S100A8: variants seen among roughly 807,000 people sequenced by gnomAD.
The protein encoded by S100A8 is S100 calcium binding protein A8.
S100A8 carries 1 observed loss-of-function variant against 4.2 expected under a neutral mutation model. The observed-to-expected ratio is 0.24, with a 90% CI of 0.08 to 1.12. The LOEUF is 1.12. S100A8 is among the 50% of genes most tolerant of loss of function. S100A8 has a pLI of 0.53. For synonymous variants in S100A8, 41 were observed against 44.7 expected, an observed-to-expected ratio of 0.92 and a Z score of 0.33; for missense variants, 96 against 111.8, an observed-to-expected ratio of 0.86 and a Z score of 0.64.
the S100A8 span, among the ~76,000 whole-genome samples, chr1:153,412,022 T>C: frequency 6.6e-6 from 1 of 152,170 alleles, no homozygotes; most frequent in African/African-American, 2.4e-5. Flanking sequence ...CCTAAAACCA[T>C]AGAAACCCTA....
At chr1:153,414,596 G>A in the S100A8 span, among the ~76,000 whole-genome samples, 4 of 152,172 alleles carry the variant, frequency 2.6e-5, no homozygotes, top group Admixed American at 2.6e-4. Flanking sequence ...CCAAAATCTG[G>A]AACACTGACA....
the S100A8 span, among the ~76,000 whole-genome samples, chr1:153,411,846 A>G: frequency 1.3e-5 from 2 of 152,244 alleles, no homozygotes; most frequent in Non-Finnish European, 2.9e-5. Context: ...CAACCATCTG[A>G]TCTTTGACAA....
chr1:153,411,318 C>T, the S100A8 span, among the ~76,000 whole-genome samples: 9 of 152,330 alleles, frequency 5.9e-5, no homozygotes, highest in South Asian at 2.1e-4. Context: ...AAATCACAAG[C>T]ATTCTTATAC....
chr1:153,390,719 T>G lies in S100A8; in HGVS notation c.-22-162A>C, dbSNP rs1183134917. The stretch of plus-strand genomic sequence containing the variant: ...TATGGCTCTGGTGGGAAGGGTGGGA[T>G]GATAGGGATACACGTGTGGGAAGGG... On this transcript the variant is annotated intron_variant, in intron 1 of 2. Transcript: ENST00000368733. 3.1e-5 allele frequency: 27 copies of G among 859,106 alleles called. No individual in the cohort carries two copies. The East Asian group carries it at 6.7e-4, about 21-fold the overall frequency. 53.2% of individuals were successfully genotyped at this position (859,106 alleles called of 1,614,324 possible).
chr1:153,400,564 T>C, the S100A8 span, among the ~76,000 whole-genome samples: 2 of 152,192 alleles, frequency 1.3e-5, no homozygotes, highest in Admixed American at 6.5e-5. Context: ...GAGAAAATCA[T>C]AGGTAGATAC....
intron 1 of S100A8, 156 bp from the exon 2 acceptor site, chr1:153,390,713 G>A: frequency 3.2e-6 from 3 of 926,814 alleles, no homozygotes; most frequent in East Asian, 2.5e-5. Context: ...GGTGGGAAGG[G>A]TGGGATGATA....
At chr1:153,401,522 G>A in the S100A8 span, among the ~76,000 whole-genome samples, 1 of 152,278 alleles carries the variant, frequency 6.6e-6, no homozygotes, top group African/African-American at 2.4e-5. Flanking sequence ...CTAAGATTGT[G>A]ATCTTGACAA....
chr1:153,403,243 T>C, the S100A8 span, among the ~76,000 whole-genome samples: 14 of 152,238 alleles, frequency 9.2e-5, no homozygotes, highest in East Asian at 1.9e-4. Flanking sequence ...CTGTGACCTA[T>C]TCTGAGTTAA....
the S100A8 span, chr1:153,417,970 C>A: frequency 1.4e-6 from 2 of 1,446,268 alleles, no homozygotes; most frequent in South Asian, 2.6e-5. Flanking sequence ...CATCTTAGGG[C>A]TGTTTTTACT....
chr1:153,418,930 C>A, the S100A8 span, among the ~76,000 whole-genome samples: 1 of 152,264 alleles, frequency 6.6e-6, no homozygotes, highest in African/African-American at 2.4e-5. Context: ...GCCTCCCATC[C>A]TGAGGTGTGA....
the S100A8 span, among the ~76,000 whole-genome samples, chr1:153,415,717 GGGGGC>G: frequency 2.0e-3 from 286 of 144,216 alleles, no homozygotes; most frequent in African/African-American, 7.2e-3. Context: ...ATGGGGCGGG[GGGGGC>G]GGGGGTCACT....
At chr1:153,390,329 G>C in intron 2 of S100A8, 66 bp downstream of exon 2, 3 of 1,603,178 alleles carry the variant, frequency 1.9e-6, no homozygotes, top group Non-Finnish European at 2.6e-6. Context: ...TGGCAGGGAG[G>C]ACCGCTGGCC....
upstream of S100A8, among the ~76,000 whole-genome samples, chr1:153,395,265 T>C (rs1662189703): frequency 6.6e-6 from 1 of 152,122 alleles, no homozygotes; most frequent in African/African-American, 2.4e-5. Flanking sequence ...TACTCATTGC[T>C]CTTCCCTTAA....
chr1:153,417,843 C>G, the S100A8 span: 1 of 503,682 alleles, frequency 2.0e-6, no homozygotes, highest in Non-Finnish European at 3.5e-6. Context: ...TTCTGCCATC[C>G]ACCTGCATCT....
At chr1:153,410,887 T>C in the S100A8 span, among the ~76,000 whole-genome samples, 1 of 152,192 alleles carries the variant, frequency 6.6e-6, no homozygotes, top group African/African-American at 2.4e-5. Context: ...TCCACATGAT[T>C]ATCTCAATAG....
At chr1:153,393,596 A>G (rs937806596), upstream of S100A8, among the ~76,000 whole-genome samples, 4 of 152,214 alleles carry the variant, frequency 2.6e-5, no homozygotes. Flanking sequence ...CTTCCTTGAC[A>G]AAAGATGAAT....
the S100A8 span, among the ~76,000 whole-genome samples, chr1:153,415,931 T>C: frequency 4.8e-3 from 732 of 152,272 alleles, 3 homozygotes; most frequent in African/African-American, 0.017. Flanking sequence ...GATTCAGGCT[T>C]TTCTTTGTTC....
the S100A8 span, chr1:153,418,020 C>G: frequency 6.2e-7 from 1 of 1,605,738 alleles, no homozygotes; most frequent in South Asian, 1.1e-5. Context: ...ACATAGAGAC[C>G]TTAATTCAAA....
chr1:153,395,677 C>T (rs1662196954), upstream of S100A8, among the ~76,000 whole-genome samples: 1 of 152,208 alleles, frequency 6.6e-6, no homozygotes. Flanking sequence ...CTAAGGATCC[C>T]TTACCAAAAG....
Sources: allele counts gnomAD v4.1 joint callset (sites outside exome capture counted in the v4.1 genomes callset), GRCh38; gene constraint gnomAD v4.1.1; transcripts MANE v1.5; gene names NCBI Gene and HGNC (gene_info 2026-07-23, HGNC 2026-07-21).